The following RPAP1 variants were observed in gnomAD, a reference collection of about 807,000 sequenced individuals.
The protein encoded by RPAP1 is RNA polymerase II associated protein 1.
In RPAP1, 109 loss-of-function variants were observed where a neutral mutation model predicts 142.4. That is an observed-to-expected ratio of 0.77 (90% CI 0.66 to 0.90). The LOEUF is 0.90. Among genes scored for constraint, RPAP1 ranks in the 40% least tolerant of loss-of-function variants. The pLI is 0.00. For missense variants in RPAP1, 1,546 were observed against 1,751.7 expected (o/e 0.88, Z 2.10); for synonymous variants, 704 against 738.9 (o/e 0.95, Z 0.77).
intron 14 of RPAP1, among the ~76,000 whole-genome samples, chr15:41,525,741 G>T (rs1476851986): frequency 6.6e-6 from 1 of 151,732 alleles, no homozygotes; most frequent in East Asian, 1.9e-4. Context: ...TGCAATCTCT[G>T]CCCCTCCAGG....
At chr15:41,540,531 C>A (rs1276148194) in intron 1 of RPAP1, among the ~76,000 whole-genome samples, 2 of 152,208 alleles carry the variant, frequency 1.3e-5, no homozygotes, top group African/African-American at 4.8e-5. Context: ...GAACTCCCGA[C>A]CTCAGGTGAT....
intron 1 of RPAP1, among the ~76,000 whole-genome samples, chr15:41,537,603 C>CA (rs1342493397): frequency 6.6e-6 from 1 of 152,094 alleles, no homozygotes; most frequent in Non-Finnish European, 1.5e-5. Flanking sequence ...CATTTGTGGC[C>CA]AGGCGCAGTG....
chr15:41,541,257 C>G (rs1023450784), intron 1 of RPAP1, among the ~76,000 whole-genome samples: 4 of 151,860 alleles, frequency 2.6e-5, no homozygotes, highest in African/African-American at 9.7e-5. Context: ...CCCATCTCTA[C>G]TAAAAATACA....
intron 21 of RPAP1, 108 bp downstream of exon 21, chr15:41,521,630 T>G: frequency 7.8e-7 from 1 of 1,277,852 alleles, no homozygotes. Flanking sequence ...GTGTCGTCGG[T>G]GGAAGAAAGA....
chr15:41,521,625 G>C lies in RPAP1; in HGVS notation c.3038+113C>G, dbSNP rs184927267. Reference sequence around the variant, plus strand: ...TGGAAGCTCGGAAGAGTTAAGTGTCGTCGGTGGAAGAAAGAGAATTTAGGT... The same window carrying C: ...TGGAAGCTCGGAAGAGTTAAGTGTCCTCGGTGGAAGAAAGAGAATTTAGGT... On this transcript the variant is annotated intron_variant, in intron 21 of 24. Transcript: ENST00000304330. 1,967 of 1,205,098 alleles carry C rather than the reference G, an allele frequency of 1.6e-3. 1 individual carries two copies. The highest frequency in any genetic ancestry group is 2.1e-3 in the Non-Finnish European group (1,781 of 864,610). 74.7% of individuals were successfully genotyped at this position (1,205,098 alleles called of 1,614,324 possible).
intron 6 of RPAP1, among the ~76,000 whole-genome samples, chr15:41,532,569 G>A (rs2051862617): frequency 6.6e-6 from 1 of 152,132 alleles, no homozygotes; most frequent in Non-Finnish European, 1.5e-5. Flanking sequence ...GCATAGCATA[G>A]AACAGTATCA....
At chr15:41,540,305 T>TA (rs1255359018) in intron 1 of RPAP1, among the ~76,000 whole-genome samples, 1 of 7,410 alleles carries the variant, frequency 1.3e-4, no homozygotes, top group Non-Finnish European at 3.4e-3. Flanking sequence ...GTTACTACTA[T>TA]TTTTTTTTTT....
At chr15:41,519,547 C>A (rs1363376345) in intron 22 of RPAP1, 2 of 152,166 alleles carry the variant, frequency 1.3e-5, no homozygotes, top group African/African-American at 4.8e-5. Context: ...AATTTAAGTC[C>A]TTAGCCTAAT....
intron 14 of RPAP1, among the ~76,000 whole-genome samples, chr15:41,526,210 A>G (rs932403990): frequency 2.0e-5 from 3 of 152,148 alleles, no homozygotes; most frequent in Non-Finnish European, 2.9e-5. Flanking sequence ...CGGTCTCCCA[A>G]AGTGTTGTGA....
chr15:41,536,142 G>A lies in RPAP1; in HGVS notation c.407C>T (p.Ser136Leu), dbSNP rs142677356. The A allele has an allele frequency of 9.3e-6, 15 of 1,613,722 alleles. No homozygotes were observed. The highest frequency in any genetic ancestry group is 2.2e-5 in the South Asian group (2 of 91,066). Residue 136 changes from serine to leucine, a missense_variant, in exon 4 of 25, where the codon TCG (serine) becomes TTG (leucine). This residue lies in a region of RPAP1 where 1,333 missense variants were observed against 1,486.6 expected (regional missense o/e 0.90). Coordinates refer to ENST00000304330, the MANE Select transcript of RPAP1 (RefSeq NM_015540.4). Reference sequence around the variant, plus strand: ...ACCCTTGCCTACCTGTGTGTCCCGCGAGCGAAGGAACACAGCAGGGAAAGC... The same window carrying A: ...ACCCTTGCCTACCTGTGTGTCCCGCAAGCGAAGGAACACAGCAGGGAAAGC... ...GVAFPAVFLR[S>L]RDTQGKSATS...
At chr15:41,520,176 C>T in intron 22 of RPAP1, 1 of 583,610 alleles carries the variant, frequency 1.7e-6, no homozygotes. Flanking sequence ...TTAAGTGATC[C>T]ACCCACCTCA....
At chr15:41,522,370 C>G (rs1445028703) in intron 19 of RPAP1, 120 bp from the exon 20 acceptor site, 1 of 912,986 alleles carries the variant, frequency 1.1e-6, no homozygotes, top group African/African-American at 1.7e-5. Flanking sequence ...CCTCCCTTCC[C>G]CATGGGACAC....
chr15:41,517,346 A>G lies in RPAP1; in HGVS notation c.*196T>C. The G allele has an allele frequency of 4.0e-6, 2 of 504,966 alleles. No individual in the cohort carries two copies. The highest frequency in any genetic ancestry group is 6.9e-6 in the Non-Finnish European group (2 of 289,512). The allele number at this position is 504,966 out of a possible 1,614,324, so 31.3% of individuals were successfully genotyped here. ...TTCACTCCCAGTACAGACCTTCAGA[A>G]GCCCCAGATATCAGGATGTAATGGT... On this transcript the variant is annotated 3_prime_UTR_variant, in exon 25 of 25. Transcript: ENST00000304330.
chr15:41,521,954 A>G, intron 20 of RPAP1, 74 bp from the exon 21 acceptor site: 1 of 1,578,454 alleles, frequency 6.3e-7, no homozygotes, highest in Non-Finnish European at 8.6e-7. Flanking sequence ...GGAAGAGGAT[A>G]AAAGTGAGGC....
chr15:41,527,685 T>C, intron 11 of RPAP1, 80 bp from the exon 12 acceptor site: 1 of 1,487,382 alleles, frequency 6.7e-7, no homozygotes, highest in South Asian at 1.4e-5. Flanking sequence ...TGCTCCCCAA[T>C]AAAAACCATA....
Position 41,529,936 on chromosome 15 carries a change from C to T in RPAP1, c.987G>A (p.Met329Ile). 1 of 1,614,130 alleles carries T rather than the reference C, an allele frequency of 6.2e-7. No homozygotes were observed. Among genetic ancestry groups the T allele is most frequent in the Non-Finnish European group, 8.5e-7 (1 of 1,180,010 alleles). ...GGAGCTTCTCCAGCTCGACAGTGTC[C>T]ATGTGCAGCCATTCTTTCTGAGGGG... is the stretch of plus-strand genomic sequence containing the variant. ...PVTPQKEWLH[M>I]DTVELEKLHW... Residue 329 changes from methionine to isoleucine, a missense_variant, in exon 8 of 25, where the codon ATG (methionine) becomes ATA (isoleucine). Physicochemically the swap from Met to Ile is conservative, Grantham distance 10. Around this residue, in one of 3 missense-constraint regions of RPAP1, gnomAD observed 1,333 missense variants for 1,486.6 expected, o/e 0.90. Coordinates refer to ENST00000304330, the MANE Select transcript of RPAP1 (RefSeq NM_015540.4).
At position 41,524,189 on chromosome 15, in the gene RPAP1, G is replaced by C. The variant is rs1349501472; in HGVS notation, c.2141C>G (p.Pro714Arg). 2 of 1,590,564 alleles carry C rather than the reference G, an allele frequency of 1.3e-6. No homozygotes were observed. The highest frequency in any genetic ancestry group is 1.7e-6 in the Non-Finnish European group (2 of 1,166,984). The change falls in exon 16 of 25, where the codon CCT (proline) becomes CGT (arginine). Residue 714 changes from proline to arginine, a missense_variant. Physicochemically the swap from Pro to Arg is moderately radical, Grantham distance 103 (BLOSUM62 -2). Coordinates refer to ENST00000304330, the MANE Select transcript of RPAP1 (RefSeq NM_015540.4). ...TATCCGCTGCATGGACAGGGGTTGA[G>C]GTGGGTGGGTGCTGAGCTCCCGCGG... The part of the protein sequence containing the change: ...VVPRELSTHP[P>R]QPLSMQRIAS...
In RPAP1 at chr15:41,531,034, G is replaced by A; in HGVS notation, c.932C>T (p.Pro311Leu). 1 of 1,611,022 alleles carries A rather than the reference G, an allele frequency of 6.2e-7. No individual in the cohort carries two copies. The highest frequency in any genetic ancestry group is 8.5e-7 in the Non-Finnish European group (1 of 1,177,500). The stretch of plus-strand genomic sequence containing the variant: ...CGCCTCCTGCAAACCTGGGGCTTCT[G>A]GCTCCAGCTTGTCTCTCTTCCTGGG... The part of the protein sequence containing the change: ...SEPRKRDKLE[P>L]EAPALALPVT... The change falls in exon 7 of 25, where the codon CCA becomes CTA. Residue 311 changes from proline to leucine, a missense_variant. By Grantham distance (98) the Pro-to-Leu change is moderately conservative. Transcript: ENST00000304330.
intron 18 of RPAP1, 117 bp downstream of exon 18, chr15:41,523,128 T>G: frequency 2.1e-6 from 2 of 943,958 alleles, no homozygotes; most frequent in Non-Finnish European, 3.1e-6. Flanking sequence ...GACTCGGGTT[T>G]CCCTCGGGCC....
Sources: gnomAD v4.1 joint callset for allele counts (sites outside exome capture counted in the v4.1 genomes callset) on GRCh38, gnomAD v4.1.1 for gene constraint, gnomAD v4.1.1 regional missense constraint, MANE v1.5 for transcripts, NCBI Gene and HGNC (gene_info 2026-07-23, HGNC 2026-07-21) for gene names.